SEC14L6: variants seen among roughly 807,000 people sequenced by gnomAD.
SEC14L6 encodes the protein SEC14 like lipid binding 6.
Under a neutral mutation model 54.1 loss-of-function variants are expected in SEC14L6, and 40 were observed. That is an observed-to-expected ratio of 0.74 (90% CI 0.57 to 0.96). The LOEUF (loss-of-function observed/expected upper bound fraction) is 0.96. Ranked by LOEUF, SEC14L6 falls within the 40% of genes least tolerant of loss-of-function variation. The pLI is 0.00. For missense variants in SEC14L6, 471 were observed against 498.3 expected (o/e 0.95, Z 0.52); for synonymous variants, 171 against 198.4 (o/e 0.86, Z 1.16).
intron 1 of SEC14L6, chr22:30,542,732 AG>A: frequency 3.2e-6 from 5 of 1,571,692 alleles, no homozygotes; most frequent in Non-Finnish European, 4.4e-6. Flanking sequence ...GCCGCTCTGC[AG>A]TGCACTGTGA....
intron 6 of SEC14L6, 76 bp from the exon 7 acceptor site, chr22:30,529,425 G>T: frequency 1.7e-6 from 2 of 1,208,348 alleles, no homozygotes; most frequent in Non-Finnish European, 2.4e-6. Context: ...CACCCTCCAG[G>T]ACCCAAGGGC....
At chr22:30,542,525 G>A in intron 1 of SEC14L6, 8 of 975,766 alleles carry the variant, frequency 8.2e-6, no homozygotes, top group South Asian at 2.0e-5. Context: ...CAGCCCCGGC[G>A]GCGCTTCTAG....
At chr22:30,526,932 C>T (rs952522893) in intron 8 of SEC14L6, among the ~76,000 whole-genome samples, 2 of 151,742 alleles carry the variant, frequency 1.3e-5, no homozygotes, top group Non-Finnish European at 2.9e-5. Flanking sequence ...CATGACTCTA[C>T]AAAAAATAAC....
rs1022657172 is a variant in SEC14L6, at chr22:30,524,723, T to C, written c.*274A>G. ...TAACTTATTTCTTGGTATTGGTTGATAGAAAAAAGCCTGGGGTTTTTGCTG... is the reference window on the plus strand; with the variant it reads ...TAACTTATTTCTTGGTATTGGTTGACAGAAAAAAGCCTGGGGTTTTTGCTG... On this transcript the variant is annotated 3_prime_UTR_variant, in exon 12 of 12. Transcript: ENST00000402034. 3.4e-5 allele frequency: 12 copies of C among 348,638 alleles called. No individual in the cohort carries two copies. Among genetic ancestry groups the C allele is most frequent in the Admixed American group, 8.2e-5 (2 of 24,422 alleles). The allele number at this position is 348,638 out of a possible 1,614,324, so 21.6% of individuals were successfully genotyped here.
In SEC14L6 at chr22:30,535,005, G is replaced by A. The variant is rs547932384; in HGVS notation, c.131-966C>T. Among the ~76,000 whole-genome samples the A allele has an allele frequency of 3.3e-5, 5 of 149,478 alleles. No homozygotes were observed. In the East Asian group the frequency reaches 9.8e-4, roughly 29 times the overall value. On this transcript the variant is annotated intron_variant, in intron 2 of 11. Coordinates refer to ENST00000402034, the MANE Select transcript of SEC14L6 (RefSeq NM_001193336.4). ...AGCCTAGGGGTTCGAGACCAGCCTA[G>A]GCAACATAGTGAGACTCTGTCCCTA...
At chr22:30,528,422 C>CCTTTTTTTTTTTTTTTTTTT (rs773969166) in intron 8 of SEC14L6, among the ~76,000 whole-genome samples, 4 of 105,536 alleles carry the variant, frequency 3.8e-5, no homozygotes, top group African/African-American at 1.6e-4. Context: ...CGCTCGGCCT[C>CCTTTTTTTTTTTTTTTTTTT]TTTTTTTTTT....
At chr22:30,531,333 G>A (rs1417882000) in intron 6 of SEC14L6, among the ~76,000 whole-genome samples, 1 of 148,956 alleles carries the variant, frequency 6.7e-6, no homozygotes, top group African/African-American at 2.5e-5. Flanking sequence ...CTTGAACCTG[G>A]CAGGTGGAGT....
At chr22:30,537,021 C>CAAAAAAA (rs11383409) in intron 2 of SEC14L6, among the ~76,000 whole-genome samples, 1 of 78,476 alleles carries the variant, frequency 1.3e-5, no homozygotes, top group Non-Finnish European at 2.3e-5. Context: ...GACTCTGACT[C>CAAAAAAA]AAAAAAAAAA....
intron 1 of SEC14L6, among the ~76,000 whole-genome samples, chr22:30,545,768 A>G (rs181872902): frequency 2.0e-5 from 3 of 152,272 alleles, no homozygotes; most frequent in Admixed American, 2.0e-4. Context: ...AAGTTAATAC[A>G]TCATTAAACT....
chr22:30,524,787 T>C lies in SEC14L6; in HGVS notation c.*210A>G. Reference sequence around the variant, plus strand: ...AGCAGGTCATAGTGGGGATGGAGTGTCTGTGTTGCTTTGCTGTGACCATCG... The same window carrying C: ...AGCAGGTCATAGTGGGGATGGAGTGCCTGTGTTGCTTTGCTGTGACCATCG... On this transcript the variant is annotated 3_prime_UTR_variant, in exon 12 of 12. Coordinates refer to ENST00000402034, the MANE Select transcript of SEC14L6 (RefSeq NM_001193336.4). 1.9e-6 allele frequency: 1 copy of C among 523,664 alleles called. No individual in the cohort carries two copies. Among genetic ancestry groups the C allele is most frequent in the South Asian group, 2.3e-5 (1 of 43,356 alleles). The allele number at this position is 523,664 out of a possible 1,614,324, so 32.4% of individuals were successfully genotyped here.
Position 30,538,828 on chromosome 22 carries a change from T to G in SEC14L6, c.129A>C (p.Gln43His). ...CCCAGCCCCACGCTCTATCCTTACC[T>G]TGGAGCCAGCGCAGGAGGAAGTAGT... ...PDDYFLLRWL[Q>H]ARSFDLQKSE... Residue 43 changes from glutamine to histidine, a missense_variant and splice_region_variant, in exon 2 of 12, where the codon CAA becomes CAC. Gln to His is a conservative substitution (Grantham distance 24). Transcript: ENST00000402034. 1 of 1,555,324 alleles carries G rather than the reference T, an allele frequency of 6.4e-7. No homozygotes were observed. The highest frequency in any genetic ancestry group is 8.7e-7 in the Non-Finnish European group (1 of 1,148,274).
intron 8 of SEC14L6, among the ~76,000 whole-genome samples, chr22:30,528,634 A>G (rs567846227): frequency 3.7e-4 from 55 of 149,546 alleles, no homozygotes; most frequent in South Asian, 2.3e-3. Flanking sequence ...ATGTTTCCCA[A>G]GCTAGTCTCC....
chr22:30,538,805 C>G, intron 2 of SEC14L6, 22 bp downstream of exon 2: 6 of 1,527,742 alleles, frequency 3.9e-6, no homozygotes, highest in Non-Finnish European at 5.3e-6. Flanking sequence ...GACCCTACCC[C>G]AGCCCCACGC....
At chr22:30,534,119 AC>A in intron 2 of SEC14L6, 80 bp from the exon 3 acceptor site, 1 of 1,377,208 alleles carries the variant, frequency 7.3e-7, no homozygotes, top group Non-Finnish European at 1.0e-6. Flanking sequence ...GCCCTGCCCC[AC>A]CCTCCAGGCC....
chr22:30,542,326 C>A (rs2085733592), intron 1 of SEC14L6, among the ~76,000 whole-genome samples: 1 of 152,208 alleles, frequency 6.6e-6, no homozygotes, highest in Non-Finnish European at 1.5e-5. Flanking sequence ...CTCCACTCCC[C>A]GACTCCTTCG....
rs768715092 is a variant in SEC14L6 at position 30,532,838 on chromosome 22, G to T, written c.193C>A (p.Gln65Lys). 1 of 1,613,756 alleles carries T rather than the reference G, an allele frequency of 6.2e-7. No individual in the cohort carries two copies. Among genetic ancestry groups the T allele is most frequent in the Non-Finnish European group, 8.5e-7 (1 of 1,179,936 alleles). Residue 65 changes from glutamine to lysine, a missense_variant, in exon 4 of 12, where the codon CAA becomes AAA. Gln to Lys is a moderately conservative substitution (Grantham distance 53). Coordinates refer to ENST00000402034, the MANE Select transcript of SEC14L6 (RefSeq NM_001193336.4). ...MLRKHMEFRKQQDLANILAWQ... is the reference protein window; with the variant it reads ...MLRKHMEFRKKQDLANILAWQ... ...GCAAGGATGTTGGCCAGGTCTTGTTGCTTCCGGAACTCCATATGCTGCAGA... is the reference window on the plus strand; with the variant it reads ...GCAAGGATGTTGGCCAGGTCTTGTTTCTTCCGGAACTCCATATGCTGCAGA...
intron 3 of SEC14L6, among the ~76,000 whole-genome samples, chr22:30,533,375 T>A (rs1182422128): frequency 6.6e-6 from 1 of 152,026 alleles, no homozygotes; most frequent in Non-Finnish European, 1.5e-5. Flanking sequence ...CCAAGGTGGG[T>A]GGATCACCCG....
chr22:30,528,478 T>C (rs1016856091), intron 8 of SEC14L6, among the ~76,000 whole-genome samples: 4 of 145,986 alleles, frequency 2.7e-5, no homozygotes, highest in Non-Finnish European at 6.0e-5. Context: ...AGCTGGAGTT[T>C]AGTGGCGTGT....
Position 30,532,657 on chromosome 22 carries a change from A to G in SEC14L6, c.291T>C (p.Pro97=), listed in dbSNP as rs984887427. The G allele has an allele frequency of 6.4e-7, 1 of 1,551,044 alleles. No homozygotes were observed. The highest frequency in any genetic ancestry group is 8.7e-7 in the Non-Finnish European group (1 of 1,147,184). ...GICGHDGEGS[P]VWYHIVGSLD... ...GGCTTCCCACAATGTGGTACCAGAC[A>G]GGGCTGCCCTCACCGTCGTGGCCGC... is the stretch of plus-strand genomic sequence containing the variant. The change falls in exon 5 of 12, where the codon CCT becomes CCC. Residue 97 remains proline (P), a synonymous_variant. Coordinates refer to ENST00000402034, the MANE Select transcript of SEC14L6 (RefSeq NM_001193336.4).
Sources: allele counts gnomAD v4.1 joint callset (sites outside exome capture counted in the v4.1 genomes callset), GRCh38; gene constraint gnomAD v4.1.1; transcripts MANE v1.5; gene names NCBI Gene and HGNC (gene_info 2026-07-23, HGNC 2026-07-21).